CNTNAP2: variants seen among roughly 807,000 people sequenced by gnomAD.
CNTNAP2 encodes the protein contactin associated protein 2.
Under a neutral mutation model 155.2 loss-of-function variants are expected in CNTNAP2, and 98 were observed. That is an observed-to-expected ratio of 0.63 (90% CI 0.54 to 0.75). CNTNAP2 has a LOEUF of 0.75. CNTNAP2 is among the 30% of genes least tolerant of loss of function. The probability of loss-of-function intolerance (pLI) is 0.00; values close to 1 mark genes in which losing one functional copy is unlikely to be tolerated. For missense variants in CNTNAP2, 1,727 were observed against 1,688.1 expected (o/e 1.02, Z -0.40); for synonymous variants, 651 against 631.2 (o/e 1.03, Z -0.47).
At chr7:147,708,815 G>T (rs896687221) in intron 13 of CNTNAP2, among the ~76,000 whole-genome samples, 2 of 152,078 alleles carry the variant, frequency 1.3e-5, no homozygotes, top group African/African-American at 2.4e-5. Context: ...TTTCATAAAT[G>T]ATCTATTCAA....
chr7:146,826,857 TAGAGAG>T (rs1554485885), intron 2 of CNTNAP2, among the ~76,000 whole-genome samples: 3 of 138,972 alleles, frequency 2.2e-5, no homozygotes, highest in Non-Finnish European at 4.6e-5. Context: ...TATATATATA[TAGAGAG>T]AGAGAGAGAG....
rs987878765 is a variant in CNTNAP2, at chr7:146,480,804, T to C, written c.98-293467T>C. 5.4e-5 allele frequency among the ~76,000 whole-genome samples: 8 copies of C among 147,158 alleles called. No homozygotes were observed. In the East Asian group the frequency reaches 1.3e-3, roughly 24 times the overall value. ...TTCACGCCATTCTCCTGCCTCAGCC[T>C]CCCGAGTAGCTGGGACTACAGGCGC... On this transcript the variant is annotated intron_variant, in intron 1 of 23. Transcript: ENST00000361727.
chr7:147,406,817 G>GA (rs1797012304), intron 10 of CNTNAP2, among the ~76,000 whole-genome samples: 1 of 152,208 alleles, frequency 6.6e-6, no homozygotes, highest in Non-Finnish European at 1.5e-5. Context: ...TACGGTATCT[G>GA]AAAAGGGTGT....
intron 2 of CNTNAP2, among the ~76,000 whole-genome samples, chr7:146,778,809 A>C (rs1802434375): frequency 6.6e-6 from 1 of 152,192 alleles, no homozygotes; most frequent in African/African-American, 2.4e-5. Context: ...CTTGTACTTC[A>C]TATGCCTTTT....
chr7:147,775,295 T>TAA (rs1797554079), intron 13 of CNTNAP2, among the ~76,000 whole-genome samples: 1 of 39,238 alleles, frequency 2.5e-5, no homozygotes, highest in South Asian at 6.7e-4. Context: ...ATATATATAT[T>TAA]TATATATATT....
intron 8 of CNTNAP2, among the ~76,000 whole-genome samples, chr7:147,272,568 G>A (rs1199519466): frequency 2.6e-5 from 4 of 151,888 alleles, no homozygotes; most frequent in South Asian, 4.2e-4. Context: ...GCGCCATCTC[G>A]GCTCACTGCA....
intron 1 of CNTNAP2, among the ~76,000 whole-genome samples, chr7:146,395,611 C>A (rs962281243): frequency 1.3e-5 from 2 of 152,004 alleles, no homozygotes; most frequent in African/African-American, 4.8e-5. Context: ...ACCTTCAGCA[C>A]TAATATTCTA....
intron 8 of CNTNAP2, among the ~76,000 whole-genome samples, chr7:147,296,314 G>A (rs1484843817): frequency 1.3e-5 from 2 of 152,184 alleles, no homozygotes; most frequent in Non-Finnish European, 2.9e-5. Flanking sequence ...AAAGGGAAAT[G>A]CTATGGTGAA....
At chr7:146,323,400 G>C (rs528634477) in intron 1 of CNTNAP2, among the ~76,000 whole-genome samples, 65 of 152,014 alleles carry the variant, frequency 4.3e-4, no homozygotes, top group Non-Finnish European at 6.6e-4. Flanking sequence ...AAAAGACTCC[G>C]AGTATAATGC....
intron 10 of CNTNAP2, among the ~76,000 whole-genome samples, chr7:147,452,564 A>AAT (rs1797851029): frequency 6.6e-6 from 1 of 152,226 alleles, no homozygotes; most frequent in African/African-American, 2.4e-5. Flanking sequence ...AATAAAAAGT[A>AAT]ATAAGGAGAA....
rs1798097525 is a variant in CNTNAP2 at position 146,550,399 on chromosome 7, C to CTGTTTTT, written c.98-223870_98-223864dup. ...CCTTATAGCAGTGAGGTCCATTAAT[C>CTGTTTTT]TGTTTTTTTTTTTTTTTTTTTTTTT... On this transcript the variant is annotated intron_variant, in intron 1 of 23. Transcript: ENST00000361727. Among the ~76,000 whole-genome samples, 3 of 31,560 alleles carry CTGTTTTT rather than the reference C, an allele frequency of 9.5e-5. 1 individual carries two copies. The highest frequency in any genetic ancestry group is 6.5e-4 in the African/African-American group (3 of 4,588). The allele number at this position is 31,560 out of a possible 152,430, so 20.7% of individuals were successfully genotyped here. A position where few individuals can be genotyped will look rare whatever the true frequency, so the allele number is the denominator to read the frequency against.
At chr7:148,165,813 G>A (rs1479695866) in intron 17 of CNTNAP2, among the ~76,000 whole-genome samples, 2 of 152,068 alleles carry the variant, frequency 1.3e-5, no homozygotes, top group African/African-American at 4.8e-5. Context: ...ATCACCTTGG[G>A]ATTAACCTGC....
At chr7:147,925,258 C>G (rs1024481437) in intron 14 of CNTNAP2, among the ~76,000 whole-genome samples, 3 of 150,598 alleles carry the variant, frequency 2.0e-5, no homozygotes, top group Non-Finnish European at 3.0e-5. Flanking sequence ...ACCCCCTACA[C>G]ATATAATGCA....
intron 4 of CNTNAP2, among the ~76,000 whole-genome samples, chr7:147,090,040 A>G (rs1800367952): frequency 6.6e-6 from 1 of 152,124 alleles, no homozygotes; most frequent in Non-Finnish European, 1.5e-5. Flanking sequence ...CTGGGGAGAA[A>G]ATAAACCAGC....
chr7:147,483,222 A>C (rs1361563448), intron 10 of CNTNAP2, among the ~76,000 whole-genome samples: 2 of 90,612 alleles, frequency 2.2e-5, no homozygotes, highest in African/African-American at 9.7e-5. Flanking sequence ...ATAGAAAAAA[A>C]TTAAAAATAA....
At chr7:146,964,339 G>C (rs1237863467) in intron 3 of CNTNAP2, among the ~76,000 whole-genome samples, 1 of 152,176 alleles carries the variant, frequency 6.6e-6, no homozygotes, top group Admixed American at 6.5e-5. Flanking sequence ...AGAATAGCCT[G>C]TAACTAAGTA....
chr7:146,755,697 T>G (rs2129183188), intron 1 of CNTNAP2, among the ~76,000 whole-genome samples: 1 of 152,106 alleles, frequency 6.6e-6, no homozygotes, highest in African/African-American at 2.4e-5. Context: ...TAGGTTAGCT[T>G]GCAACACAGA....
chr7:146,868,851 T>C (rs970345517), intron 3 of CNTNAP2, among the ~76,000 whole-genome samples: 8 of 150,904 alleles, frequency 5.3e-5, no homozygotes, highest in African/African-American at 1.5e-4. Context: ...CTAATAATTT[T>C]TGTGCATTGA....
At chr7:146,772,054 C>A (rs1802301605) in intron 1 of CNTNAP2, among the ~76,000 whole-genome samples, 2 of 151,938 alleles carry the variant, frequency 1.3e-5, no homozygotes, top group South Asian at 4.2e-4. Context: ...AGAGTACGTG[C>A]CAAGTACCAT....
Sources: allele counts gnomAD v4.1 joint callset (sites outside exome capture counted in the v4.1 genomes callset), GRCh38; gene constraint gnomAD v4.1.1; transcripts MANE v1.5; gene names NCBI Gene and HGNC (gene_info 2026-07-23, HGNC 2026-07-21).